Variants in SV2C observed in about 807,000 individuals in gnomAD.
SV2C encodes solute carrier family 22 member B3.
A neutral mutation model predicts 79.7 loss-of-function variants in SV2C; 49 were observed. The observed-to-expected ratio is 0.61, with a 90% CI of 0.49 to 0.78. The LOEUF (loss-of-function observed/expected upper bound fraction) is 0.78, where lower values mean the gene tolerates loss of function less well. SV2C is among the 30% of genes least tolerant of loss of function. The probability of loss-of-function intolerance (pLI) is 0.00; values close to 1 mark genes in which losing one functional copy is unlikely to be tolerated. For synonymous variants in SV2C, 334 were observed against 333.2 expected (o/e 1.00, Z -0.03); for missense variants, 833 against 912.9 (o/e 0.91, Z 1.13).
the SV2C span, among the ~76,000 whole-genome samples, chr5:76,058,484 T>C: frequency 1.3e-5 from 2 of 152,118 alleles, no homozygotes; most frequent in Non-Finnish European, 2.9e-5. Context: ...TTGCTCCAAC[T>C]ATCACATCTG....
At chr5:76,171,892 G>C (rs1191222470) in intron 2 of SV2C, among the ~76,000 whole-genome samples, 1 of 116,874 alleles carries the variant, frequency 8.6e-6, no homozygotes, top group African/African-American at 3.1e-5. Context: ...AGATGGGGGG[G>C]TCAGCCCCCC....
Position 76,291,323 on chromosome 5 carries a change from C to A in SV2C, c.1240C>A (p.Leu414Met). 1.2e-6 allele frequency: 2 copies of A among 1,606,176 alleles called. No homozygotes were observed. The highest frequency in any genetic ancestry group is 2.2e-5 in the South Asian group (2 of 90,064). ...GTGTTTTGTTCGGATCCGCACCGAGCTGTACGGAGTAAGTAACAAGTCCCA... is the reference window on the plus strand; with the variant it reads ...GTGTTTTGTTCGGATCCGCACCGAGATGTACGGAGTAAGTAACAAGTCCCA... ...RRCFVRIRTE[L>M]YGIWLTFMRC... is the part of the protein sequence containing the mutation. Residue 414 changes from leucine (L) to methionine (M), a missense_variant, in exon 7 of 13, where the codon CTG becomes ATG. Transcript: ENST00000502798.
At chr5:75,986,408 A>G in the SV2C span, among the ~76,000 whole-genome samples, 13 of 151,834 alleles carry the variant, frequency 8.6e-5, no homozygotes, top group Non-Finnish European at 1.5e-4. Flanking sequence ...GCCAACTAGT[A>G]CAGGTGGCTA....
At chr5:76,293,627 G>A (rs1392582475) in intron 8 of SV2C, among the ~76,000 whole-genome samples, 4 of 152,012 alleles carry the variant, frequency 2.6e-5, no homozygotes, top group Non-Finnish European at 5.9e-5. Context: ...GTACCCCTAA[G>A]TCATTTCTTC....
At chr5:75,859,489 G>A in the SV2C span, among the ~76,000 whole-genome samples, 39 of 152,260 alleles carry the variant, frequency 2.6e-4, no homozygotes, top group Non-Finnish European at 4.4e-4. Flanking sequence ...AACCAAATAG[G>A]AAAATAAGAA....
chr5:76,333,490 G>A lies in SV2C; in HGVS notation c.*7943G>A, dbSNP rs1011087937. On this transcript the variant is annotated 3_prime_UTR_variant, in exon 13 of 13. Coordinates refer to ENST00000502798, the MANE Select transcript of SV2C (RefSeq NM_014979.4). ...ATGAGATCTTGGCAATGGTCCTGTC[G>A]GTTTTGGTGTTTGGATTGTTTGGCT... 6 of 152,138 alleles carry A rather than the reference G, an allele frequency of 3.9e-5. No individual in the cohort carries two copies. The highest frequency in any genetic ancestry group is 9.7e-5 in the African/African-American group (4 of 41,432). The allele number at this position is 152,138 out of a possible 1,614,324, so 9.4% of individuals were successfully genotyped here. A position where few individuals can be genotyped will look rare whatever the true frequency, so the allele number is the denominator to read the frequency against.
At chr5:76,160,393 A>G (rs1282255035) in intron 2 of SV2C, among the ~76,000 whole-genome samples, 2 of 152,228 alleles carry the variant, frequency 1.3e-5, no homozygotes, top group African/African-American at 4.8e-5. Flanking sequence ...ATACAGCTCT[A>G]TGAAACGGAA....
intron 2 of SV2C, among the ~76,000 whole-genome samples, chr5:76,186,356 C>G (rs1053686097): frequency 6.6e-6 from 1 of 152,182 alleles, no homozygotes. Context: ...AGTCCATTCT[C>G]ACACTGCTAT....
At position 76,325,976 on chromosome 5, in the gene SV2C, CTT is replaced by C. The variant is rs34500881; in HGVS notation, c.*443_*444del. The C allele has an allele frequency of 3.4e-4, 49 of 143,438 alleles. No individual in the cohort carries two copies. The highest frequency in any genetic ancestry group is 1.1e-3 in the South Asian group (5 of 4,514). 8.9% of individuals were successfully genotyped at this position (143,438 alleles called of 1,614,324 possible). On this transcript the variant is annotated 3_prime_UTR_variant, in exon 13 of 13. Coordinates refer to ENST00000502798, the MANE Select transcript of SV2C (RefSeq NM_014979.4). ...TGCATTTGTGCTGAGAAGAGGGATT[CTT>C]TTTTTTTTTTTTTCTAACAGAGTGA...
At chr5:76,023,817 C>A in the SV2C span, among the ~76,000 whole-genome samples, 1 of 151,598 alleles carries the variant, frequency 6.6e-6, no homozygotes, top group Non-Finnish European at 1.5e-5. Flanking sequence ...AATACATATG[C>A]CCACATATGC....
chr5:76,341,435 T>C (rs1367653945), intron 12 of SV2C, among the ~76,000 whole-genome samples: 1 of 152,172 alleles, frequency 6.6e-6, no homozygotes, highest in Non-Finnish European at 1.5e-5. Flanking sequence ...TAGGATCCAC[T>C]TAGCACTTGG....
At chr5:76,257,517 G>A (rs1746323580) in intron 4 of SV2C, among the ~76,000 whole-genome samples, 1 of 151,358 alleles carries the variant, frequency 6.6e-6, no homozygotes, top group South Asian at 2.1e-4. Flanking sequence ...GTGGTGTGTG[G>A]TGTGGTGTAT....
chr5:76,071,789 C>G, the SV2C span, among the ~76,000 whole-genome samples: 1 of 152,170 alleles, frequency 6.6e-6, no homozygotes, highest in Non-Finnish European at 1.5e-5. Flanking sequence ...TAATTTGGAG[C>G]AGGAAGATTA....
At chr5:75,905,704 T>C in the SV2C span, among the ~76,000 whole-genome samples, 2 of 152,142 alleles carry the variant, frequency 1.3e-5, no homozygotes, top group South Asian at 2.1e-4. Context: ...TCTTCACTTA[T>C]CATCAGGGCC....
chr5:75,907,923 C>G, the SV2C span, among the ~76,000 whole-genome samples: 13 of 152,180 alleles, frequency 8.5e-5, no homozygotes, highest in Admixed American at 3.9e-4. Context: ...AGAGCCCTGC[C>G]CCTGCACACA....
chr5:76,003,811 A>G, the SV2C span, among the ~76,000 whole-genome samples: 1 of 152,028 alleles, frequency 6.6e-6, no homozygotes, highest in Non-Finnish European at 1.5e-5. Flanking sequence ...CATATTGCCC[A>G]GGGCCATAGG....
the SV2C span, among the ~76,000 whole-genome samples, chr5:76,060,178 A>G: frequency 7.9e-5 from 12 of 152,268 alleles, no homozygotes; most frequent in African/African-American, 2.9e-4. Flanking sequence ...ATTTTTGAGT[A>G]GTTAATGAAC....
chr5:75,892,797 A>G, the SV2C span, among the ~76,000 whole-genome samples: 1 of 152,044 alleles, frequency 6.6e-6, no homozygotes, highest in African/African-American at 2.4e-5. Context: ...TATTCCATGT[A>G]TCAAGTGTTC....
chr5:76,263,049 T>C (rs1437951563), intron 4 of SV2C, among the ~76,000 whole-genome samples: 1 of 152,198 alleles, frequency 6.6e-6, no homozygotes, highest in African/African-American at 2.4e-5. Flanking sequence ...TCTTCCACTA[T>C]TATTGTGTGG....
Sources: allele counts gnomAD v4.1 joint callset (sites outside exome capture counted in the v4.1 genomes callset), GRCh38; gene constraint gnomAD v4.1.1; transcripts MANE v1.5; gene names NCBI Gene and HGNC (gene_info 2026-07-23, HGNC 2026-07-21).